Variants in EXT1 observed in about 807,000 individuals in gnomAD.
EXT1 encodes exostosin-1.
Under a neutral mutation model 82.5 loss-of-function variants are expected in EXT1, and 20 were observed. That is an observed-to-expected ratio of 0.24 (90% CI 0.17 to 0.35). EXT1 has a LOEUF of 0.35. EXT1 is among the 10% of genes least tolerant of loss of function. The pLI, the probability that EXT1 is intolerant of heterozygous loss-of-function variation, is 1.00. For missense variants in EXT1, 757 were observed against 936.5 expected (o/e 0.81, Z 2.50); for synonymous variants, 348 against 350.8 (o/e 0.99, Z 0.09).
rs1009690559 is a variant in EXT1 at position 117,798,275 on chromosome 8, G to A, written c.*1437C>T. ...AGGGAGGGACTCTAAAGTGCTTATT[G>A]TTTATTCAGCATAATACATGGTCAA... On this transcript the variant is annotated 3_prime_UTR_variant, in exon 11 of 11. Transcript: ENST00000378204. The A allele has an allele frequency of 6.6e-6, 1 of 152,174 alleles. No homozygotes were observed. Among genetic ancestry groups the A allele is most frequent in the African/African-American group, 2.4e-5 (1 of 41,436 alleles). The allele number at this position is 152,174 out of a possible 1,614,324, so 9.4% of individuals were successfully genotyped here.
intron 1 of EXT1, among the ~76,000 whole-genome samples, chr8:118,061,343 A>G (rs2129943140): frequency 6.6e-6 from 1 of 152,332 alleles, no homozygotes; most frequent in East Asian, 1.9e-4. Context: ...AGTCACAGAG[A>G]GACATTTGTA....
chr8:117,833,620 A>G (rs1307586190), intron 3 of EXT1, among the ~76,000 whole-genome samples: 1 of 152,072 alleles, frequency 6.6e-6, no homozygotes, highest in African/African-American at 2.4e-5. Flanking sequence ...ATCTCAAAAA[A>G]AAAAAAGAAA....
chr8:117,989,999 C>T (rs745712335), intron 1 of EXT1, among the ~76,000 whole-genome samples: 3 of 152,114 alleles, frequency 2.0e-5, no homozygotes, highest in Non-Finnish European at 4.4e-5. Context: ...TGGTGAAACA[C>T]TGGGTCTACT....
At chr8:117,912,479 A>G (rs908545088) in intron 1 of EXT1, among the ~76,000 whole-genome samples, 16 of 152,224 alleles carry the variant, frequency 1.1e-4, no homozygotes, top group Non-Finnish European at 1.5e-5. Context: ...TCTTGAAAAT[A>G]ATTAATTTCA....
chr8:118,089,618 G>C (rs1162874279), intron 1 of EXT1, among the ~76,000 whole-genome samples: 1 of 152,146 alleles, frequency 6.6e-6, no homozygotes, highest in Non-Finnish European at 1.5e-5. Context: ...CAATGCTACA[G>C]TATTACTTTT....
chr8:118,006,953 T>C lies in EXT1; in HGVS notation c.962+103132A>G, dbSNP rs191911037. 7.9e-5 allele frequency among the ~76,000 whole-genome samples: 12 copies of C among 152,356 alleles called. No homozygotes were observed. The East Asian group carries it at 1.9e-3, about 24-fold the overall frequency. On this transcript the variant is annotated intron_variant, in intron 1 of 10. Coordinates refer to ENST00000378204, the MANE Select transcript of EXT1 (RefSeq NM_000127.3). ...CCTAAGCACTGAATCCACATTTCTA[T>C]GTGAAATCCTTCAGTTGTTAGAGTT... is the stretch of plus-strand genomic sequence containing the variant.
intron 1 of EXT1, among the ~76,000 whole-genome samples, chr8:117,981,262 T>C (rs1362114524): frequency 1.3e-5 from 2 of 152,292 alleles, no homozygotes; most frequent in East Asian, 1.9e-4. Flanking sequence ...CTCTACTAAT[T>C]CAGAAAGTAC....
rs11562736 is a variant in EXT1 at position 117,964,522 on chromosome 8, G to A, written c.963-127321C>T. Among the ~76,000 whole-genome samples the A allele has an allele frequency of 5.4e-3, 822 of 152,330 alleles. 7 individuals carry two copies. The highest frequency in any genetic ancestry group is 0.017 in the African/African-American group (722 of 41,568). The stretch of plus-strand genomic sequence containing the variant: ...CTTCTTTCCAAGTACAACCACAGGA[G>A]TCAAAAGAGCACCTTAAAATTTTCC... On this transcript the variant is annotated intron_variant, in intron 1 of 10. Coordinates refer to ENST00000378204, the MANE Select transcript of EXT1 (RefSeq NM_000127.3).
intron 1 of EXT1, among the ~76,000 whole-genome samples, chr8:117,893,971 G>A (rs900605423): frequency 6.6e-6 from 1 of 152,100 alleles, no homozygotes; most frequent in Non-Finnish European, 1.5e-5. Context: ...CCTTCAGCAC[G>A]ACTCCTGTTA....
intron 1 of EXT1, among the ~76,000 whole-genome samples, chr8:117,863,686 C>T (rs1263834151): frequency 6.6e-6 from 1 of 152,136 alleles, no homozygotes; most frequent in Non-Finnish European, 1.5e-5. Context: ...AAGTTTCCAG[C>T]AGATGCTTGT....
At chr8:118,061,638 T>C (rs1321146078) in intron 1 of EXT1, among the ~76,000 whole-genome samples, 2 of 152,210 alleles carry the variant, frequency 1.3e-5, no homozygotes, top group Non-Finnish European at 2.9e-5. Flanking sequence ...TGAGGTCCTG[T>C]GGTAATTTGA....
At chr8:117,973,946 G>GCAGAAAGC (rs1163863766) in intron 1 of EXT1, among the ~76,000 whole-genome samples, 1 of 145,656 alleles carries the variant, frequency 6.9e-6, no homozygotes, top group African/African-American at 2.5e-5. Flanking sequence ...AGGAAGGAAG[G>GCAGAAAGC]AAGGAAGGAA....
chr8:117,961,499 T>G (rs1814698786), intron 1 of EXT1, among the ~76,000 whole-genome samples: 1 of 152,260 alleles, frequency 6.6e-6, no homozygotes, highest in Admixed American at 6.5e-5. Flanking sequence ...GAAATCTAAA[T>G]GTACCAAAAG....
At chr8:117,944,938 G>T (rs527531802) in intron 1 of EXT1, among the ~76,000 whole-genome samples, 2 of 152,116 alleles carry the variant, frequency 1.3e-5, no homozygotes, top group Non-Finnish European at 2.9e-5. Context: ...GGAGGCGGGC[G>T]GATCACGAGG....
chr8:117,819,576 C>T (rs1160486066), intron 6 of EXT1, 100 bp downstream of exon 6: 5 of 965,430 alleles, frequency 5.2e-6, no homozygotes, highest in Non-Finnish European at 6.8e-6. Flanking sequence ...AGAGAAGTCC[C>T]GGGGAGCCTG....
chr8:117,991,184 C>T (rs1454179444), intron 1 of EXT1, among the ~76,000 whole-genome samples: 4 of 151,820 alleles, frequency 2.6e-5, no homozygotes, highest in Non-Finnish European at 5.9e-5. Context: ...AATCTTGGCT[C>T]ACTGCAACCT....
At chr8:118,098,116 C>T (rs1817653017) in intron 1 of EXT1, among the ~76,000 whole-genome samples, 1 of 152,062 alleles carries the variant, frequency 6.6e-6, no homozygotes, top group South Asian at 2.1e-4. Context: ...GAGACACCCC[C>T]AAGGCCCATT....
chr8:118,088,684 CTTTT>C (rs34437784), intron 1 of EXT1, among the ~76,000 whole-genome samples: 1 of 144,898 alleles, frequency 6.9e-6, no homozygotes. Context: ...GATGCCTTCT[CTTTT>C]TTTTTTTTTT....
chr8:117,856,266 T>G (rs915855126), intron 1 of EXT1, among the ~76,000 whole-genome samples: 15 of 145,968 alleles, frequency 1.0e-4, no homozygotes, highest in African/African-American at 2.4e-4. Context: ...TTTTTTTTTT[T>G]TGTGGGGGGA....
Sources: allele counts gnomAD v4.1 joint callset (sites outside exome capture counted in the v4.1 genomes callset), GRCh38; gene constraint gnomAD v4.1.1; transcripts MANE v1.5; gene names NCBI Gene and HGNC (gene_info 2026-07-23, HGNC 2026-07-21).